PTCHD4: variants seen among roughly 807,000 people sequenced by gnomAD.
PTCHD4 encodes the protein patched domain containing 4.
In PTCHD4, 33 loss-of-function variants were observed where a neutral mutation model predicts 58.1. That is an observed-to-expected ratio of 0.57 (90% confidence interval 0.43 to 0.76). The LOEUF is 0.76. Among genes scored for constraint, PTCHD4 ranks in the 30% least tolerant of loss-of-function variants. The pLI, the probability that PTCHD4 is intolerant of heterozygous loss-of-function variation, is 0.00. For missense variants in PTCHD4, 1,058 were observed against 1,027.1 expected (o/e 1.03, Z -0.41); for synonymous variants, 478 against 409.6 (o/e 1.17, Z -2.02).
At chr6:48,013,157 T>G (rs917085467) in intron 3 of PTCHD4, among the ~76,000 whole-genome samples, 4 of 152,086 alleles carry the variant, frequency 2.6e-5, no homozygotes, top group African/African-American at 9.7e-5. Context: ...TGGTACCAGC[T>G]CCTCTTTGTA....
chr6:47,938,481 C>T (rs139105897), intron 4 of PTCHD4, among the ~76,000 whole-genome samples: 1 of 152,274 alleles, frequency 6.6e-6, no homozygotes, highest in Non-Finnish European at 1.5e-5. Context: ...AGATTGTGAT[C>T]CTACGGAAAT....
intron 4 of PTCHD4, among the ~76,000 whole-genome samples, chr6:47,948,362 G>A (rs1766500484): frequency 6.6e-6 from 1 of 152,158 alleles, no homozygotes; most frequent in African/African-American, 2.4e-5. Context: ...AATCACAGAA[G>A]TGGCATCCCA....
At chr6:48,030,787 T>C in intron 3 of PTCHD4, among the ~76,000 whole-genome samples, 1 of 152,166 alleles carries the variant, frequency 6.6e-6, no homozygotes, top group East Asian at 1.9e-4. Flanking sequence ...AGAAATCTTC[T>C]CTACTGACTG....
intron 4 of PTCHD4, among the ~76,000 whole-genome samples, chr6:47,911,846 G>T (rs1205067296): frequency 6.6e-6 from 1 of 152,094 alleles, no homozygotes. Flanking sequence ...GACTGGATGA[G>T]ATCTAGGGAA....
chr6:47,907,126 T>C (rs1041034361), intron 4 of PTCHD4, among the ~76,000 whole-genome samples: 1 of 152,164 alleles, frequency 6.6e-6, no homozygotes, highest in Non-Finnish European at 1.5e-5. Flanking sequence ...GTCTCTAGTG[T>C]CCAAGTGGAA....
intron 4 of PTCHD4, among the ~76,000 whole-genome samples, chr6:47,882,368 G>T (rs1034011293): frequency 6.6e-6 from 1 of 152,002 alleles, no homozygotes; most frequent in Admixed American, 6.6e-5. Flanking sequence ...ATTAGATTAG[G>T]TAATCACTTT....
At chr6:47,969,454 G>T (rs1581951316) in intron 4 of PTCHD4, among the ~76,000 whole-genome samples, 1 of 152,204 alleles carries the variant, frequency 6.6e-6, no homozygotes, top group African/African-American at 2.4e-5. Context: ...ATTTTTATTG[G>T]CTTATCCTTA....
At chr6:47,981,141 T>C (rs749155792) in intron 4 of PTCHD4, among the ~76,000 whole-genome samples, 1 of 152,166 alleles carries the variant, frequency 6.6e-6, no homozygotes, top group Non-Finnish European at 1.5e-5. Context: ...GCCTATTCCA[T>C]ATTTCTATTT....
rs200576029 is a variant in PTCHD4 at position 48,068,297 on chromosome 6, G to A, written c.350C>T (p.Thr117Ile). Reference sequence around the variant, plus strand: ...AGCCTGGAGCAAAATATTGTCCCCGGTTGGGGAGAGGAGGATCACCCTGCC... The same window carrying A: ...AGCCTGGAGCAAAATATTGTCCCCGATTGGGGAGAGGAGGATCACCCTGCC... ...RYGRVILLSP[T>I]GDNILLQAEG... The change falls in exon 3 of 5, where the codon ACC becomes ATC. Residue 117 changes from threonine to isoleucine, a missense_variant. Transcript: ENST00000339488. This position sits in a 1 kb window ranked among gnomAD's most constrained non-coding sequence, Gnocchi z 4.2. 3.7e-5 allele frequency: 60 copies of A among 1,611,992 alleles called. No individual in the cohort carries two copies. The highest frequency in any genetic ancestry group is 4.3e-5 in the Non-Finnish European group (51 of 1,178,480).
chr6:48,009,183 G>C, intron 3 of PTCHD4, 69 bp from the exon 4 acceptor site: 1 of 1,466,956 alleles, frequency 6.8e-7, no homozygotes, highest in Non-Finnish European at 9.1e-7. Flanking sequence ...CTTACTCTAA[G>C]TGAAGGAGCA....
chr6:48,109,936 A>G (rs1363367451), intron 1 of PTCHD4, among the ~76,000 whole-genome samples: 1 of 152,140 alleles, frequency 6.6e-6, no homozygotes, highest in Non-Finnish European at 1.5e-5. Flanking sequence ...TTAAAAAGAG[A>G]GAAAAAAAAC....
At chr6:48,052,394 A>C (rs1764266167) in intron 3 of PTCHD4, among the ~76,000 whole-genome samples, 1 of 152,026 alleles carries the variant, frequency 6.6e-6, no homozygotes, top group African/African-American at 2.4e-5. Flanking sequence ...CACTAGAAGA[A>C]TAACAAATAG....
At chr6:47,929,463 C>T (rs985645646) in intron 4 of PTCHD4, among the ~76,000 whole-genome samples, 1 of 152,184 alleles carries the variant, frequency 6.6e-6, no homozygotes, top group Non-Finnish European at 1.5e-5. Context: ...CAATTCTTCC[C>T]TCCTGAAACT....
At chr6:48,072,401 C>T (rs2113885434) in intron 1 of PTCHD4, among the ~76,000 whole-genome samples, 1 of 152,274 alleles carries the variant, frequency 6.6e-6, no homozygotes, top group Non-Finnish European at 1.5e-5. Flanking sequence ...TCAGTTGCCT[C>T]CTGTGTCTCT....
chr6:48,076,980 C>T (rs1320178694), intron 1 of PTCHD4, among the ~76,000 whole-genome samples: 2 of 152,166 alleles, frequency 1.3e-5, no homozygotes, highest in Non-Finnish European at 2.9e-5. Context: ...TTTTGTCTGA[C>T]TATTAAGCTA....
chr6:47,954,534 T>G (rs1448675365), intron 4 of PTCHD4, among the ~76,000 whole-genome samples: 1 of 152,214 alleles, frequency 6.6e-6, no homozygotes, highest in Non-Finnish European at 1.5e-5. Flanking sequence ...GAAACCTGTG[T>G]CTAGTGATAG....
intron 4 of PTCHD4, among the ~76,000 whole-genome samples, chr6:47,898,237 C>G (rs114527603): frequency 6.6e-6 from 1 of 152,146 alleles, no homozygotes; most frequent in Non-Finnish European, 1.5e-5. Flanking sequence ...AGCCACTGCA[C>G]CCAGCCATCA....
At chr6:48,026,763 C>A (rs1487099714) in intron 3 of PTCHD4, among the ~76,000 whole-genome samples, 2 of 152,058 alleles carry the variant, frequency 1.3e-5, no homozygotes, top group African/African-American at 4.8e-5. Context: ...TTTGGAGACA[C>A]CTAGACAGCT....
At chr6:48,038,324 T>C (rs1763719191) in intron 3 of PTCHD4, among the ~76,000 whole-genome samples, 1 of 151,996 alleles carries the variant, frequency 6.6e-6, no homozygotes, top group South Asian at 2.1e-4. Flanking sequence ...AAATGTAATT[T>C]GGGTTCTAAG....
Sources: allele counts gnomAD v4.1 joint callset (sites outside exome capture counted in the v4.1 genomes callset), GRCh38; gene constraint gnomAD v4.1.1; non-coding constraint Gnocchi (gnomAD v3.1); transcripts MANE v1.5; gene names NCBI Gene and HGNC (gene_info 2026-07-23, HGNC 2026-07-21).